NRK: variants seen among roughly 807,000 people sequenced by gnomAD.
NRK encodes the protein nik-related protein kinase.
A neutral mutation model predicts 125.2 loss-of-function variants in NRK; 67 were observed. The ratio of observed to expected loss-of-function variants is 0.54; its 90% confidence interval spans 0.44 to 0.66. The LOEUF (loss-of-function observed/expected upper bound fraction) is 0.66. NRK is among the 30% of genes least tolerant of loss of function. The pLI, the probability that NRK is intolerant of heterozygous loss-of-function variation, is 0.00. For missense variants in NRK, 1,224 were observed against 1,192.9 expected, an observed-to-expected ratio of 1.03 and a Z score of -0.38; for synonymous variants, 458 against 429.0, an observed-to-expected ratio of 1.07 and a Z score of -0.84.
rs888770792 is a variant in NRK, at chrX:105,923,172, G to A, written c.2665G>A (p.Glu889Lys). Residue 889 changes from glutamate (E) to lysine (K), a missense_variant, in exon 18 of 29, where the codon GAA becomes AAA. Coordinates refer to ENST00000243300, the MANE Select transcript of NRK (RefSeq NM_198465.4). The stretch of plus-strand genomic sequence containing the variant: ...ATCACCCCCTGTATACTTGACAAAC[G>A]AATGGGTAGGCTATAATGCACTCTC... ...KISPPVYLTN[E>K]WVGYNALSEI... 1 of 1,202,914 alleles carries A rather than the reference G, an allele frequency of 8.3e-7. No individual in the cohort carries two copies. Among genetic ancestry groups the A allele is most frequent in the East Asian group, 3.0e-5 (1 of 33,771 alleles).
chrX:105,949,731 A>T lies in NRK; in HGVS notation c.4510A>T (p.Ile1504Leu). 1 of 1,155,762 alleles carries T rather than the reference A, an allele frequency of 8.7e-7. No homozygotes were observed. Among genetic ancestry groups the T allele is most frequent in the Non-Finnish European group, 1.2e-6 (1 of 852,202 alleles). The stretch of plus-strand genomic sequence containing the variant: ...AATGTGGAAAGACATACCATCTTCT[A>T]TAGGTATGTATACAATTTATTTCTT... ...LEMWKDIPSS[I>L]AFECTQRTTG... Residue 1504 changes from isoleucine to leucine, a missense_variant, in exon 27 of 29, where the codon ATA (isoleucine) becomes TTA (leucine). Physicochemically the swap from Ile to Leu is conservative, Grantham distance 5. Coordinates refer to ENST00000243300, the MANE Select transcript of NRK (RefSeq NM_198465.4).
intron 2 of NRK, among the ~76,000 whole-genome samples, chrX:105,839,687 T>A (rs1428140861): frequency 8.9e-6 from 1 of 112,051 alleles, no homozygotes; most frequent in Non-Finnish European, 1.9e-5. Context: ...TACATACTAG[T>A]TGCTAGTTAG....
intron 14 of NRK, 52 bp downstream of exon 14, chrX:105,912,807 G>A (rs1174236927): frequency 1.7e-6 from 1 of 604,466 alleles, no homozygotes; most frequent in Non-Finnish European, 2.5e-6. Context: ...CCAGAACAGT[G>A]GTTCTTAAAC....
chrX:105,918,411 G>A (rs1452430399), intron 16 of NRK, among the ~76,000 whole-genome samples: 2 of 110,880 alleles, frequency 1.8e-5, no homozygotes, highest in Non-Finnish European at 3.8e-5. Context: ...ATAGTATACT[G>A]ATTTTATTAA....
chrX:105,898,060 T>C (rs1003989410), intron 7 of NRK, among the ~76,000 whole-genome samples: 16 of 112,249 alleles, frequency 1.4e-4, no homozygotes, highest in African/African-American at 4.9e-4. Flanking sequence ...TAAGCTAAGA[T>C]GTAGATACCA....
intron 19 of NRK, among the ~76,000 whole-genome samples, chrX:105,929,402 T>C (rs752027787): frequency 1.8e-5 from 2 of 111,618 alleles, no homozygotes; most frequent in East Asian, 5.7e-4. Flanking sequence ...GAATTTCTTA[T>C]AGGCAACATA....
chrX:105,868,872 C>T (rs1329595503), intron 2 of NRK, among the ~76,000 whole-genome samples: 1 of 109,577 alleles, frequency 9.1e-6, no homozygotes, highest in Non-Finnish European at 1.9e-5. Flanking sequence ...TTATAGTAGC[C>T]AAAATGTTCT....
At chrX:105,927,754 G>T (rs2040543216) in intron 19 of NRK, among the ~76,000 whole-genome samples, 1 of 111,155 alleles carries the variant, frequency 9.0e-6, no homozygotes, top group South Asian at 3.7e-4. Flanking sequence ...TTTTGTCTTT[G>T]ATTCCATTGA....
In NRK at chrX:105,957,507, G is replaced by A. The variant is rs1414522349; in HGVS notation, c.*1907G>A. ...CTTCATAATATTTACTCAAAGTTAA[G>A]CTTAAAAATAAGTTTTATCTTAAAA... On this transcript the variant is annotated 3_prime_UTR_variant, in exon 29 of 29. Coordinates refer to ENST00000243300, the MANE Select transcript of NRK (RefSeq NM_198465.4). The A allele has an allele frequency of 9.0e-6, 1 of 111,382 alleles. No homozygotes were observed. The highest frequency in any genetic ancestry group is 1.9e-5 in the Non-Finnish European group (1 of 53,032). The allele number at this position is 111,382 out of a possible 1,213,427, so 9.2% of individuals were successfully genotyped here.
intron 23 of NRK, among the ~76,000 whole-genome samples, chrX:105,943,174 C>A (rs374743055): frequency 6.3e-5 from 7 of 111,453 alleles, no homozygotes; most frequent in African/African-American, 2.3e-4. Context: ...TTAGCTATTA[C>A]ATTTAGGTGT....
At chrX:105,892,499 T>G (rs2147724114) in intron 5 of NRK, among the ~76,000 whole-genome samples, 1 of 111,687 alleles carries the variant, frequency 9.0e-6, no homozygotes, top group South Asian at 3.8e-4. Flanking sequence ...TTAGGAAAAT[T>G]ACTGAGAATG....
intron 19 of NRK, among the ~76,000 whole-genome samples, chrX:105,927,936 TTTTG>T (rs747451484): frequency 6.3e-5 from 7 of 111,241 alleles, no homozygotes; most frequent in African/African-American, 2.0e-4. Context: ...GGCTTGTAGT[TTTTG>T]TTTGTTTGTT....
intron 5 of NRK, among the ~76,000 whole-genome samples, chrX:105,890,409 T>A (rs1224006988): frequency 1.8e-5 from 2 of 112,213 alleles, no homozygotes; most frequent in Non-Finnish European, 3.8e-5. Context: ...CAAAGTTGCT[T>A]CCATATTTTC....
At chrX:105,836,989 A>G (rs1023900044) in intron 2 of NRK, among the ~76,000 whole-genome samples, 2 of 112,336 alleles carry the variant, frequency 1.8e-5, no homozygotes, top group African/African-American at 6.5e-5. Context: ...ACAATAGTTT[A>G]AAAAGATGGA....
At position 105,850,940 on chromosome X, in the gene NRK, G is replaced by T. The variant is rs750817339; in HGVS notation, c.123+19821G>T. On this transcript the variant is annotated intron_variant, in intron 2 of 28. Coordinates refer to ENST00000243300, the MANE Select transcript of NRK (RefSeq NM_198465.4). ...ACCCAGTTCCAAAGTCACTTTTTGG[G>T]TATCTTTTCAGCAATGCCCCACTCT... Among the ~76,000 whole-genome samples the T allele has an allele frequency of 1.3e-3, 148 of 111,933 alleles. 1 individual carries two copies. The highest frequency in any genetic ancestry group is 4.7e-3 in the African/African-American group (145 of 30,776).
chrX:105,953,568 A>G lies in NRK; in HGVS notation c.4653+395A>G, dbSNP rs760089757. 4.5e-4 allele frequency among the ~76,000 whole-genome samples: 50 copies of G among 111,950 alleles called. 1 individual carries two copies. In the South Asian group the frequency reaches 0.018, roughly 41 times the overall value. The stretch of plus-strand genomic sequence containing the variant: ...TTATAGCTTTCAACATAATTCAATA[A>G]CAGAAGGAAAATGTACTTATGTTTA... On this transcript the variant is annotated intron_variant, in intron 28 of 28. Transcript: ENST00000243300.
chrX:105,823,897 G>A (rs1348494784), intron 1 of NRK, among the ~76,000 whole-genome samples: 1 of 112,458 alleles, frequency 8.9e-6, no homozygotes, highest in Non-Finnish European at 1.9e-5. Context: ...GTTCAGGGCA[G>A]TGGCCTGCTT....
intron 19 of NRK, among the ~76,000 whole-genome samples, chrX:105,933,332 C>T (rs1223009659): frequency 1.8e-5 from 2 of 111,731 alleles, no homozygotes; most frequent in Admixed American, 1.9e-4. Flanking sequence ...ATCTTCCTTT[C>T]ATTTTAATTT....
intron 9 of NRK, among the ~76,000 whole-genome samples, chrX:105,903,390 C>T (rs1452094546): frequency 9.0e-6 from 1 of 111,584 alleles, no homozygotes; most frequent in Non-Finnish European, 1.9e-5. Flanking sequence ...TACCCCATCC[C>T]ATCAAGAGGC....
Sources: allele counts gnomAD v4.1 joint callset (sites outside exome capture counted in the v4.1 genomes callset), GRCh38; gene constraint gnomAD v4.1.1; transcripts MANE v1.5; gene names NCBI Gene and HGNC (gene_info 2026-07-23, HGNC 2026-07-21).